Variants in PKHD1 observed in about 807,000 individuals in gnomAD.
PKHD1 encodes the protein PKHD1 ciliary IPT domain containing fibrocystin/polyductin.
PKHD1 carries 291 observed loss-of-function variants against 412.0 expected under a neutral mutation model. That is an observed-to-expected ratio of 0.71 (90% CI 0.64 to 0.78). PKHD1 has a LOEUF of 0.78. PKHD1 is among the 30% of genes least tolerant of loss of function. PKHD1 has a pLI of 0.00. For synonymous variants in PKHD1, 1,777 were observed against 1,821.5 expected, an observed-to-expected ratio of 0.98 and a Z score of 0.62; for missense variants, 4,825 against 4,950.7, an observed-to-expected ratio of 0.97 and a Z score of 0.76.
At chr6:51,746,477 C>A (rs949886854) in intron 59 of PKHD1, among the ~76,000 whole-genome samples, 1 of 152,098 alleles carries the variant, frequency 6.6e-6, no homozygotes, top group African/African-American at 2.4e-5. Context: ...ATGGCTGAGT[C>A]CAGATTCAAG....
rs1554163223 is a variant in PKHD1 at position 51,619,139 on chromosome 6, GC to G, written c.12166del (p.Ala4056ProfsTer29). 3 of 1,614,212 alleles carry G rather than the reference GC, an allele frequency of 1.9e-6. No homozygotes were observed. Among genetic ancestry groups the G allele is most frequent in the Non-Finnish European group, 2.5e-6 (3 of 1,180,024 alleles). On this transcript the variant is annotated frameshift_variant, in exon 67 of 67. Coordinates refer to ENST00000371117, the MANE Select transcript of PKHD1 (RefSeq NM_138694.4). LOFTEE classifies it low-confidence loss of function (END_TRUNC). The part of the protein sequence containing the change: ...LSQEKKASCG[A>X]TEAFCLHSVH... ...TGAATGAAGGCAGAATGCCTCAGTGGCCCCGCAGGAGGCTTTCTTCTCTTGG... is the reference window on the plus strand; with the variant it reads ...TGAATGAAGGCAGAATGCCTCAGTGGCCCGCAGGAGGCTTTCTTCTCTTGG...
intron 60 of PKHD1, among the ~76,000 whole-genome samples, chr6:51,680,131 ATAT>A (rs151148060): frequency 4.0e-5 from 6 of 151,552 alleles, no homozygotes; most frequent in Admixed American, 6.6e-5. Context: ...AGCATAATAT[ATAT>A]TATTATTATT....
intron 52 of PKHD1, among the ~76,000 whole-genome samples, chr6:51,825,565 T>C (rs1287742007): frequency 6.6e-6 from 1 of 152,138 alleles, no homozygotes; most frequent in African/African-American, 2.4e-5. Context: ...TGACCCATCT[T>C]AAAGGCATCT....
Position 52,017,489 on chromosome 6 carries a change from C to T in PKHD1, c.5521G>A (p.Glu1841Lys), listed in dbSNP as rs913487671. 6 of 1,614,108 alleles carry T rather than the reference C, an allele frequency of 3.7e-6. No individual in the cohort carries two copies. The highest frequency in any genetic ancestry group is 1.7e-5 in the Admixed American group (1 of 60,032). The change falls in exon 34 of 67, where the codon GAG becomes AAG. Residue 1841 changes from glutamate to lysine, a missense_variant. Glu to Lys is a moderately conservative substitution (Grantham distance 56). Transcript: ENST00000371117. Reference protein sequence around the residue: ...LESWPYLYICEESSQCLFVPD... With the variant: ...LESWPYLYICKESSQCLFVPD... ...ACAAAGAGGCATTGGGAACTTTCCT[C>T]GCAAATGTAGAGGTAAGGCCACGAT...
chr6:51,896,345 G>A (rs1176422260), intron 43 of PKHD1, among the ~76,000 whole-genome samples: 2 of 152,028 alleles, frequency 1.3e-5, no homozygotes, highest in Non-Finnish European at 2.9e-5. Flanking sequence ...TCCTCAAGTG[G>A]GTCCCTGACC....
At chr6:51,976,707 T>C (rs927542311) in intron 35 of PKHD1, among the ~76,000 whole-genome samples, 3 of 152,190 alleles carry the variant, frequency 2.0e-5, no homozygotes, top group Non-Finnish European at 4.4e-5. Context: ...CCTAGTACTT[T>C]GGGAAGCCAA....
chr6:51,881,637 C>A (rs1386211134), intron 46 of PKHD1, among the ~76,000 whole-genome samples: 1 of 152,084 alleles, frequency 6.6e-6, no homozygotes, highest in East Asian at 1.9e-4. Flanking sequence ...AATATTTGAC[C>A]AGGAGTGGGA....
intron 46 of PKHD1, 53 bp from the exon 47 acceptor site, chr6:51,870,692 GA>G: frequency 7.2e-7 from 1 of 1,394,902 alleles, no homozygotes; most frequent in Non-Finnish European, 1.0e-6. Flanking sequence ...CTGGACACAT[GA>G]AATACAATTC....
chr6:51,667,711 T>C (rs1364506000), intron 60 of PKHD1, among the ~76,000 whole-genome samples: 4 of 150,054 alleles, frequency 2.7e-5, no homozygotes, highest in Admixed American at 2.0e-4. Context: ...CCATCTTGAA[T>C]TGATTTTTGT....
At chr6:51,631,841 A>G (rs1261134736) in intron 65 of PKHD1, among the ~76,000 whole-genome samples, 1 of 152,024 alleles carries the variant, frequency 6.6e-6, no homozygotes, top group Non-Finnish European at 1.5e-5. Flanking sequence ...CTTAATTCCT[A>G]TGCTAAAAAA....
intron 55 of PKHD1, among the ~76,000 whole-genome samples, chr6:51,757,144 C>T (rs951687776): frequency 6.6e-6 from 1 of 152,022 alleles, no homozygotes; most frequent in African/African-American, 2.4e-5. Context: ...GGTCTGTGGC[C>T]CTGGGGGTTG....
At chr6:51,708,998 C>T (rs1260267521) in intron 60 of PKHD1, among the ~76,000 whole-genome samples, 1 of 152,154 alleles carries the variant, frequency 6.6e-6, no homozygotes, top group Non-Finnish European at 1.5e-5. Context: ...CCTTTAAAAA[C>T]TAAAATATTT....
At chr6:51,724,950 A>G (rs1782387352) in intron 60 of PKHD1, among the ~76,000 whole-genome samples, 1 of 152,196 alleles carries the variant, frequency 6.6e-6, no homozygotes, top group South Asian at 2.1e-4. Context: ...GGAAGTTAGG[A>G]CAACCCCTAG....
intron 61 of PKHD1, among the ~76,000 whole-genome samples, chr6:51,655,379 C>A (rs1771648355): frequency 6.6e-6 from 1 of 152,076 alleles, no homozygotes; most frequent in Non-Finnish European, 1.5e-5. Flanking sequence ...GATTGGCTTT[C>A]CTGGTTTTCT....
At chr6:51,790,707 T>C (rs1793604302) in intron 53 of PKHD1, among the ~76,000 whole-genome samples, 3 of 152,170 alleles carry the variant, frequency 2.0e-5, no homozygotes, top group Admixed American at 2.0e-4. Flanking sequence ...GTATTTGCTT[T>C]CCCTCCCTTT....
In PKHD1 at chr6:52,076,232, A is replaced by G. The variant is rs368276582; in HGVS notation, c.448+44T>C. The G allele has an allele frequency of 5.7e-6, 8 of 1,402,676 alleles. No homozygotes were observed. The African/African-American group carries it at 1.1e-4, about 20-fold the overall frequency. The allele number at this position is 1,402,676 out of a possible 1,614,324, so 86.9% of individuals were successfully genotyped here. ...ACCTAGGTTTGCAACAAGCTTTGGCAAACAGATTCACAATTATTCCTATTT... is the reference window on the plus strand; with the variant it reads ...ACCTAGGTTTGCAACAAGCTTTGGCGAACAGATTCACAATTATTCCTATTT... On this transcript the variant is annotated intron_variant, in intron 6 of 66. Coordinates refer to ENST00000371117, the MANE Select transcript of PKHD1 (RefSeq NM_138694.4).
chr6:51,890,454 A>G (rs549795576), intron 43 of PKHD1, among the ~76,000 whole-genome samples: 5 of 152,250 alleles, frequency 3.3e-5, no homozygotes, highest in African/African-American at 7.2e-5. Flanking sequence ...GCAGAAGTCA[A>G]TGTATCATGG....
At chr6:52,086,100 A>G (rs957739520) in intron 1 of PKHD1, among the ~76,000 whole-genome samples, 16 of 146,554 alleles carry the variant, frequency 1.1e-4, no homozygotes, top group African/African-American at 3.5e-4. Context: ...ACATACACAC[A>G]CACAAAGTGT....
intron 55 of PKHD1, among the ~76,000 whole-genome samples, chr6:51,770,760 G>A (rs563944444): frequency 1.1e-4 from 16 of 151,616 alleles, no homozygotes; most frequent in African/African-American, 3.4e-4. Context: ...ACCTCCTATG[G>A]CTATAGTTCC....
Sources: gnomAD v4.1 joint callset for allele counts (sites outside exome capture counted in the v4.1 genomes callset) on GRCh38, gnomAD v4.1.1 for gene constraint, MANE v1.5 for transcripts, NCBI Gene and HGNC (gene_info 2026-07-23, HGNC 2026-07-21) for gene names.